MYO3A: variants seen among roughly 807,000 people sequenced by gnomAD.
MYO3A encodes myosin IIIA.
A neutral mutation model predicts 192.7 loss-of-function variants in MYO3A; 180 were observed. The ratio of observed to expected loss-of-function variants is 0.93; its 90% CI spans 0.83 to 1.06. MYO3A has a LOEUF of 1.06. MYO3A is among the 50% of genes least tolerant of loss of function. The pLI is 0.00. For synonymous variants in MYO3A, 628 were observed against 645.3 expected, an observed-to-expected ratio of 0.97 and a Z score of 0.41; for missense variants, 1,896 against 1,905.0, an observed-to-expected ratio of 1.00 and a Z score of 0.09.
chr10:25,954,743 A>G lies in MYO3A; in HGVS notation c.169-131A>G. On this transcript the variant is annotated intron_variant, in intron 3 of 34. Transcript: ENST00000642920. Reference sequence around the variant, plus strand: ...TATGTAATGAGAAATTACAATACATAATACTAAGCACAGTAAAAACTATTA... The same window carrying G: ...TATGTAATGAGAAATTACAATACATGATACTAAGCACAGTAAAAACTATTA... 6.6e-6 allele frequency: 6 copies of G among 911,538 alleles called. No homozygotes were observed. The South Asian group carries it at 9.2e-5, about 14-fold the overall frequency. 56.5% of individuals were successfully genotyped at this position (911,538 alleles called of 1,614,324 possible).
At chr10:25,950,942 T>G (rs1837171315) in intron 2 of MYO3A, among the ~76,000 whole-genome samples, 3 of 152,198 alleles carry the variant, frequency 2.0e-5, no homozygotes, top group African/African-American at 7.2e-5. Flanking sequence ...TTTCTTTTAT[T>G]ATTCTCACCC....
At chr10:26,036,814 G>A (rs1001263424) in intron 10 of MYO3A, among the ~76,000 whole-genome samples, 1 of 152,126 alleles carries the variant, frequency 6.6e-6, no homozygotes, top group African/African-American at 2.4e-5. Flanking sequence ...TTTGGCTCAG[G>A]GAGTGTTCTC....
intron 4 of MYO3A, among the ~76,000 whole-genome samples, chr10:25,960,535 T>A (rs1352483485): frequency 6.6e-6 from 1 of 152,158 alleles, no homozygotes; most frequent in African/African-American, 2.4e-5. Context: ...TTAATGCATA[T>A]TTTTATGTCA....
intron 14 of MYO3A, among the ~76,000 whole-genome samples, chr10:26,087,029 G>A (rs561207068): frequency 1.3e-5 from 2 of 152,124 alleles, no homozygotes; most frequent in African/African-American, 4.8e-5. Context: ...ATCTTATCTT[G>A]TTTTTACTTA....
intron 10 of MYO3A, among the ~76,000 whole-genome samples, chr10:26,056,138 G>C (rs913836018): frequency 6.6e-6 from 1 of 152,168 alleles, no homozygotes; most frequent in Non-Finnish European, 1.5e-5. Context: ...TAAGTAGAGA[G>C]ATGGGAATTC....
chr10:26,162,097 G>T (rs1841511440), intron 26 of MYO3A, among the ~76,000 whole-genome samples: 1 of 152,232 alleles, frequency 6.6e-6, no homozygotes, highest in East Asian at 1.9e-4. Flanking sequence ...TCAGCTGCAG[G>T]CAGCAAGGGT....
chr10:26,087,596 T>C (rs1321328106), intron 14 of MYO3A, among the ~76,000 whole-genome samples: 1 of 152,114 alleles, frequency 6.6e-6, no homozygotes, highest in African/African-American at 2.4e-5. Context: ...GAATTTCAAC[T>C]GAAGTGGTAA....
intron 20 of MYO3A, among the ~76,000 whole-genome samples, chr10:26,143,011 A>C (rs993537524): frequency 6.6e-6 from 1 of 152,134 alleles, no homozygotes; most frequent in African/African-American, 2.4e-5. Context: ...ATGTGGAGAG[A>C]AAAATAAAAT....
intron 31 of MYO3A, among the ~76,000 whole-genome samples, chr10:26,187,597 T>C (rs1842926046): frequency 6.6e-6 from 1 of 150,974 alleles, no homozygotes; most frequent in Admixed American, 6.6e-5. Context: ...CCCATTAACT[T>C]GTCATTTAAC....
rs531265837 is a variant in MYO3A at position 25,973,773 on chromosome 10, A to C, written c.303+18765A>C. On this transcript the variant is annotated intron_variant, in intron 4 of 34. Coordinates refer to ENST00000642920, the MANE Select transcript of MYO3A (RefSeq NM_017433.5). The stretch of plus-strand genomic sequence containing the variant: ...GATCAATGGAACAGAACAGACACCT[A>C]AGAAATAACACCACACATGTACAAC... Among the ~76,000 whole-genome samples, 3 of 152,246 alleles carry C rather than the reference A, an allele frequency of 2.0e-5. No individual in the cohort carries two copies. The South Asian group carries it at 6.2e-4, about 32-fold the overall frequency.
intron 29 of MYO3A, among the ~76,000 whole-genome samples, chr10:26,170,749 T>C (rs1842009272): frequency 6.6e-6 from 1 of 152,224 alleles, no homozygotes; most frequent in Non-Finnish European, 1.5e-5. Context: ...TTCTACCAGA[T>C]TGCTTTCTAT....
rs1001358191 is a variant in MYO3A, at chr10:25,988,941, T to C, written c.304-7549T>C. On this transcript the variant is annotated intron_variant, in intron 4 of 34. Transcript: ENST00000642920. ...GTTTAAAACACAGCCCTAAAACTCT[T>C]TTTTTTTTTTTTTTTTTTTACTTTT... Among the ~76,000 whole-genome samples the C allele has an allele frequency of 3.1e-5, 4 of 128,590 alleles. No homozygotes were observed. In the South Asian group the frequency reaches 7.0e-4, roughly 23 times the overall value. The allele number at this position is 128,590 out of a possible 152,430, so 84.4% of individuals were successfully genotyped here.
chr10:26,055,817 A>AT (rs1362544102), intron 10 of MYO3A, among the ~76,000 whole-genome samples: 1 of 152,238 alleles, frequency 6.6e-6, no homozygotes, highest in African/African-American at 2.4e-5. Context: ...ACTGTCATTA[A>AT]AAGGTTGAAA....
intron 17 of MYO3A, among the ~76,000 whole-genome samples, chr10:26,112,541 C>T (rs1326108366): frequency 7.2e-5 from 11 of 152,220 alleles, no homozygotes; most frequent in Non-Finnish European, 1.6e-4. Flanking sequence ...ATCCTCTAAG[C>T]ACAGCATGCG....
chr10:26,082,979 A>C (rs1282767271), intron 14 of MYO3A, among the ~76,000 whole-genome samples: 1 of 152,254 alleles, frequency 6.6e-6, no homozygotes, highest in South Asian at 2.1e-4. Context: ...GATATGTGAC[A>C]GTAAAACTAG....
intron 9 of MYO3A, among the ~76,000 whole-genome samples, chr10:26,024,717 G>C (rs1196415964): frequency 1.3e-5 from 2 of 152,108 alleles, no homozygotes; most frequent in African/African-American, 4.8e-5. Flanking sequence ...TTTCTCCTTT[G>C]CTTATGGAGT....
chr10:26,027,983 G>C (rs1000319409), intron 10 of MYO3A, among the ~76,000 whole-genome samples: 2 of 152,026 alleles, frequency 1.3e-5, no homozygotes, highest in African/African-American at 4.8e-5. Context: ...CTTTATTCTT[G>C]AAAATCCTAT....
chr10:26,096,262 A>G, intron 15 of MYO3A, 119 bp from the exon 16 acceptor site: 1 of 718,050 alleles, frequency 1.4e-6, no homozygotes, highest in Non-Finnish European at 2.4e-6. Flanking sequence ...GCCAAAATGC[A>G]GTATTCAGAA....
At chr10:25,985,117 C>A (rs7905996) in intron 4 of MYO3A, among the ~76,000 whole-genome samples, 2 of 151,428 alleles carry the variant, frequency 1.3e-5, no homozygotes, top group Admixed American at 1.3e-4. Flanking sequence ...GTGTGCCTGT[C>A]GTCCCAGCTA....
Sources: gnomAD v4.1 joint callset for allele counts (sites outside exome capture counted in the v4.1 genomes callset) on GRCh38, gnomAD v4.1.1 for gene constraint, MANE v1.5 for transcripts, NCBI Gene and HGNC (gene_info 2026-07-23, HGNC 2026-07-21) for gene names.